HCN1: variants seen among roughly 807,000 people sequenced by gnomAD.
The protein encoded by HCN1 is potassium/sodium hyperpolarization-activated cyclic nucleotide-gated channel 1.
Under a neutral mutation model 78.9 loss-of-function variants are expected in HCN1, and 13 were observed. The observed-to-expected ratio is 0.16, with a 90% CI of 0.11 to 0.26. HCN1 has a LOEUF of 0.26. HCN1 is among the 10% of genes least tolerant of loss of function. HCN1 has a pLI of 1.00. For missense variants in HCN1, 810 were observed against 1,154.3 expected (o/e 0.70, Z 4.32); for synonymous variants, 552 against 455.5 (o/e 1.21, Z -2.70).
intron 1 of HCN1, among the ~76,000 whole-genome samples, chr5:45,691,134 T>C (rs775248348): frequency 3.9e-5 from 6 of 152,118 alleles, no homozygotes; most frequent in Non-Finnish European, 5.9e-5. Context: ...TAGTTGAATA[T>C]AATTTTCTTA....
At chr5:45,372,731 T>TC (rs1379739146) in intron 4 of HCN1, among the ~76,000 whole-genome samples, 1 of 143,062 alleles carries the variant, frequency 7.0e-6, no homozygotes, top group African/African-American at 2.5e-5. Flanking sequence ...ATATACGTAT[T>TC]TATATAAAAA....
chr5:45,362,404 C>T (rs1024964593), intron 4 of HCN1, among the ~76,000 whole-genome samples: 3 of 151,962 alleles, frequency 2.0e-5, no homozygotes, highest in Non-Finnish European at 4.4e-5. Flanking sequence ...GAAATAGAAG[C>T]TTTTACTTAA....
chr5:45,415,924 T>C (rs1024845058), intron 3 of HCN1, among the ~76,000 whole-genome samples: 1 of 152,054 alleles, frequency 6.6e-6, no homozygotes, highest in African/African-American at 2.4e-5. Context: ...TCATCCTGTT[T>C]GATAATGTAC....
rs542433775 is a variant in HCN1 at position 45,625,623 on chromosome 5, A to T, written c.849+19562T>A. 2.0e-4 allele frequency among the ~76,000 whole-genome samples: 31 copies of T among 152,050 alleles called. 1 individual carries two copies. Among genetic ancestry groups the T allele is most frequent in the South Asian group, 1.9e-3 (9 of 4,820 alleles). On this transcript the variant is annotated intron_variant, in intron 2 of 7. Transcript: ENST00000303230. The stretch of plus-strand genomic sequence containing the variant: ...TCTCACCTGGGAAAGAGAAAACTTT[A>T]AAAAAAAGAAAGAAAACCCTACAGC...
At chr5:45,318,372 C>A (rs2111931118) in intron 5 of HCN1, among the ~76,000 whole-genome samples, 1 of 152,070 alleles carries the variant, frequency 6.6e-6, no homozygotes, top group South Asian at 2.1e-4. Context: ...AATGAGAATA[C>A]TTGGTCACAG....
intron 2 of HCN1, among the ~76,000 whole-genome samples, chr5:45,551,666 T>C (rs1198078675): frequency 6.6e-6 from 1 of 151,998 alleles, no homozygotes; most frequent in Non-Finnish European, 1.5e-5. Context: ...TTTCATATTA[T>C]ATTCTACTTA....
chr5:45,395,928 A>T (rs1018931053), intron 4 of HCN1, among the ~76,000 whole-genome samples: 8 of 152,166 alleles, frequency 5.3e-5, no homozygotes, highest in Admixed American at 3.3e-4. Flanking sequence ...AGCAGCAATC[A>T]TTTTAATTAG....
At chr5:45,446,426 G>T (rs1310685379) in intron 3 of HCN1, among the ~76,000 whole-genome samples, 3 of 152,134 alleles carry the variant, frequency 2.0e-5, no homozygotes, top group Non-Finnish European at 4.4e-5. Flanking sequence ...GTACCTGAAA[G>T]TGACGGGGAG....
chr5:45,687,578 T>A (rs10462092), intron 1 of HCN1, among the ~76,000 whole-genome samples: 1 of 152,112 alleles, frequency 6.6e-6, no homozygotes, highest in Non-Finnish European at 1.5e-5. Flanking sequence ...AGATAAAATA[T>A]TTATGAAGAT....
intron 3 of HCN1, among the ~76,000 whole-genome samples, chr5:45,412,681 G>C (rs1285333711): frequency 6.6e-6 from 1 of 152,046 alleles, no homozygotes; most frequent in Non-Finnish European, 1.5e-5. Context: ...ATTTAAGTCA[G>C]TATTCAAATA....
chr5:45,294,628 G>A (rs1745451835), intron 6 of HCN1, among the ~76,000 whole-genome samples: 1 of 151,844 alleles, frequency 6.6e-6, no homozygotes, highest in Non-Finnish European at 1.5e-5. Flanking sequence ...TCAAAGTATT[G>A]GTACAAAGGT....
chr5:45,311,987 T>C (rs995501651), intron 5 of HCN1, among the ~76,000 whole-genome samples: 2 of 152,200 alleles, frequency 1.3e-5, no homozygotes, highest in South Asian at 2.1e-4. Context: ...AAAATCTTTG[T>C]TGTCAAGAAG....
At chr5:45,328,335 T>G (rs1746276248) in intron 5 of HCN1, among the ~76,000 whole-genome samples, 1 of 151,608 alleles carries the variant, frequency 6.6e-6, no homozygotes. Flanking sequence ...CATATAATTT[T>G]TTTCTCTCAT....
chr5:45,266,277 AG>A (rs1744854175), intron 7 of HCN1, among the ~76,000 whole-genome samples: 1 of 152,170 alleles, frequency 6.6e-6, no homozygotes, highest in African/African-American at 2.4e-5. Flanking sequence ...GCATCTATGT[AG>A]GGCATTACTA....
intron 2 of HCN1, chr5:45,558,815 C>T (rs1403960517): frequency 6.6e-6 from 1 of 151,758 alleles, no homozygotes; most frequent in African/African-American, 2.4e-5. Flanking sequence ...GTCACCCAGG[C>T]TAGAGTGTGG....
At chr5:45,309,496 G>A (rs533508263) in intron 5 of HCN1, among the ~76,000 whole-genome samples, 57 of 152,232 alleles carry the variant, frequency 3.7e-4, no homozygotes, top group Admixed American at 6.5e-4. Flanking sequence ...GATGTTAGCC[G>A]TGGGTTTGTC....
intron 6 of HCN1, 102 bp downstream of exon 6, chr5:45,303,479 AATTCACATACAGGTTTAC>A (rs1745668902): frequency 1.1e-6 from 1 of 943,480 alleles, no homozygotes; most frequent in Non-Finnish European, 1.7e-6. Context: ...CTTTTATCAG[AATTCACATACAGGTTTAC>A]ATTCAAAACC....
intron 5 of HCN1, among the ~76,000 whole-genome samples, chr5:45,322,897 G>C (rs1746151082): frequency 6.6e-6 from 1 of 151,816 alleles, no homozygotes; most frequent in Non-Finnish European, 1.5e-5. Flanking sequence ...CTACTACTAA[G>C]AGGTATGCAG....
Position 45,303,693 on chromosome 5 carries a change from C to G in HCN1, c.1524G>C (p.Val508=). The part of the protein sequence containing the change: ...PGDYIIREGA[V]GKKMYFIQHG... ...GTTGAATGAAATACATTTTTTTACC[C>G]ACGGCTCCTTCTCGTATGATATAAT... is the stretch of plus-strand genomic sequence containing the variant. The change falls in exon 6 of 8, where the codon GTG becomes GTC. Residue 508 remains valine, a synonymous_variant. Transcript: ENST00000303230. 1 of 1,613,480 alleles carries G rather than the reference C, an allele frequency of 6.2e-7. No individual in the cohort carries two copies. Among genetic ancestry groups the G allele is most frequent in the Non-Finnish European group, 8.5e-7 (1 of 1,179,718 alleles).
Sources: gnomAD v4.1 joint callset for allele counts (sites outside exome capture counted in the v4.1 genomes callset) on GRCh38, gnomAD v4.1.1 for gene constraint, MANE v1.5 for transcripts, NCBI Gene and HGNC (gene_info 2026-07-23, HGNC 2026-07-21) for gene names.